FRMPD2: variants seen among roughly 807,000 people sequenced by gnomAD.
FRMPD2 encodes the protein FERM and PDZ domain-containing protein 2.
A neutral mutation model predicts 140.1 loss-of-function variants in FRMPD2; 96 were observed. The observed-to-expected ratio is 0.69, with a 90% CI of 0.58 to 0.81. The LOEUF is 0.81. Among genes scored for constraint, FRMPD2 ranks in the 40% least tolerant of loss-of-function variants. The pLI is 0.00. For missense variants in FRMPD2, 1,240 were observed against 1,447.4 expected (o/e 0.86, Z 2.32); for synonymous variants, 449 against 547.6 (o/e 0.82, Z 2.52).
At chr10:48,180,478 A>G (rs1419678386) in intron 21 of FRMPD2, among the ~76,000 whole-genome samples, 1 of 152,172 alleles carries the variant, frequency 6.6e-6, no homozygotes, top group Non-Finnish European at 1.5e-5. Flanking sequence ...ACGCCTTGCC[A>G]TTGGCAGCAA....
intron 13 of FRMPD2, among the ~76,000 whole-genome samples, chr10:48,207,425 AC>A (rs969628238): frequency 1.3e-5 from 2 of 152,108 alleles, no homozygotes; most frequent in African/African-American, 4.8e-5. Flanking sequence ...GTTGTGAACC[AC>A]CCTGCAGAGA....
chr10:48,271,959 T>A (rs1167963944), intron 1 of FRMPD2, among the ~76,000 whole-genome samples: 1 of 152,178 alleles, frequency 6.6e-6, no homozygotes, highest in Non-Finnish European at 1.5e-5. Context: ...TTATGAATCC[T>A]GAGTATATGG....
intron 10 of FRMPD2, among the ~76,000 whole-genome samples, chr10:48,227,657 C>A (rs1839754539): frequency 6.6e-6 from 1 of 152,072 alleles, no homozygotes; most frequent in Non-Finnish European, 1.5e-5. Flanking sequence ...AGTGGTTATA[C>A]CTTTGGATAT....
chr10:48,190,357 C>T (rs1373166287), intron 16 of FRMPD2, among the ~76,000 whole-genome samples: 3 of 152,186 alleles, frequency 2.0e-5, no homozygotes, highest in Non-Finnish European at 2.9e-5. Flanking sequence ...GGCCTCCCAT[C>T]CTTTGACCAA....
At chr10:48,171,521 C>T (rs1485646720) in intron 25 of FRMPD2, among the ~76,000 whole-genome samples, 4 of 152,406 alleles carry the variant, frequency 2.6e-5, no homozygotes, top group Non-Finnish European at 4.4e-5. Context: ...GTTAAATACG[C>T]TATAATCGTA....
At chr10:48,264,694 G>A (rs890710479) in intron 1 of FRMPD2, among the ~76,000 whole-genome samples, 9 of 152,050 alleles carry the variant, frequency 5.9e-5, no homozygotes, top group African/African-American at 2.2e-4. Context: ...TGTTCACTGA[G>A]AGAAGACTCA....
intron 28 of FRMPD2, among the ~76,000 whole-genome samples, chr10:48,160,314 A>T (rs1837901576): frequency 6.6e-6 from 1 of 151,772 alleles, no homozygotes; most frequent in African/African-American, 2.4e-5. Flanking sequence ...AATCTTGTCC[A>T]TGAACACTTT....
chr10:48,253,015 G>A (rs1840421608), intron 1 of FRMPD2, among the ~76,000 whole-genome samples: 1 of 152,010 alleles, frequency 6.6e-6, no homozygotes. Context: ...CACAGTGAAA[G>A]GTTGCTTATT....
chr10:48,244,841 G>C lies in FRMPD2; in HGVS notation c.318C>G (p.Val106=). 14 of 1,610,348 alleles carry C rather than the reference G, an allele frequency of 8.7e-6. No homozygotes were observed. Among genetic ancestry groups the C allele is most frequent in the Non-Finnish European group, 1.2e-5 (14 of 1,176,598 alleles). ...AGTAGAGGGTCATTCCTAAAGAATA[G>C]ACATGCATCTGCCCAAAAGAAGAGT... ...DEQPDASQMH[V]YSLGMTLYWS... The change falls in exon 4 of 29, where the codon GTC becomes GTG. Residue 106 remains valine (V), a synonymous_variant. Transcript: ENST00000374201.
At chr10:48,232,007 G>T in intron 10 of FRMPD2, 108 bp downstream of exon 10, 1 of 952,212 alleles carries the variant, frequency 1.1e-6, no homozygotes, top group Non-Finnish European at 1.7e-6. Flanking sequence ...ACAAAGGGAG[G>T]CACCCAAGTC....
intron 13 of FRMPD2, 99 bp downstream of exon 13, chr10:48,211,855 G>A (rs1839329576): frequency 1.7e-6 from 2 of 1,181,574 alleles, no homozygotes; most frequent in African/African-American, 1.5e-5. Flanking sequence ...CTCCTTGTGG[G>A]TCTGCACACA....
chr10:48,271,645 A>G (rs1241322105), intron 1 of FRMPD2, among the ~76,000 whole-genome samples: 1 of 152,266 alleles, frequency 6.6e-6, no homozygotes, highest in Non-Finnish European at 1.5e-5. Flanking sequence ...AGAAAAAAAA[A>G]GGGAGGGCAG....
chr10:48,187,385 A>T, intron 16 of FRMPD2, 93 bp from the exon 17 acceptor site: 1 of 984,118 alleles, frequency 1.0e-6, no homozygotes, highest in Non-Finnish European at 1.6e-6. Context: ...ACTTCTTGGC[A>T]TTTCTGAGTA....
At position 48,201,261 on chromosome 10, in the gene FRMPD2, T is replaced by C; in HGVS notation, c.1921A>G (p.Met641Val). The change falls in exon 15 of 29, where the codon ATG becomes GTG. Residue 641 changes from methionine to valine, a missense_variant. By Grantham distance (21) the Met-to-Val change is conservative. Coordinates refer to ENST00000374201, the MANE Select transcript of FRMPD2 (RefSeq NM_001018071.4). Reference protein sequence around the residue: ...CSAQHGFNAQMGSGQPSHVLF... With the variant: ...CSAQHGFNAQVGSGQPSHVLF... ...ACATGGGAAGGCTGCCCAGAGCCCA[T>C]CTGTGCATTAAACCCATGCTGGGCT... is the stretch of plus-strand genomic sequence containing the variant. The C allele has an allele frequency of 3.1e-6, 5 of 1,612,886 alleles. No individual in the cohort carries two copies. Among genetic ancestry groups the C allele is most frequent in the Middle Eastern group, 1.7e-4 (1 of 6,052 alleles).
At chr10:48,186,805 G>A (rs1166520494) in intron 17 of FRMPD2, among the ~76,000 whole-genome samples, 5 of 152,192 alleles carry the variant, frequency 3.3e-5, no homozygotes, top group African/African-American at 1.2e-4. Context: ...AACTGGCCAG[G>A]AGGATGCATG....
chr10:48,177,334 A>G (rs1377421013), intron 22 of FRMPD2: 1 of 150,314 alleles, frequency 6.7e-6, no homozygotes, highest in Non-Finnish European at 1.5e-5. Flanking sequence ...GATAGTCTCA[A>G]TCTCCTGACC....
chr10:48,258,087 C>A (rs1253958265), intron 1 of FRMPD2, among the ~76,000 whole-genome samples: 2 of 152,248 alleles, frequency 1.3e-5, no homozygotes, highest in Non-Finnish European at 2.9e-5. Flanking sequence ...TCAGAGCGAT[C>A]TTTTCCTCTC....
intron 3 of FRMPD2, among the ~76,000 whole-genome samples, chr10:48,245,414 CT>C (rs2131956160): frequency 6.6e-6 from 1 of 152,324 alleles, no homozygotes; most frequent in South Asian, 2.1e-4. Flanking sequence ...ACAGTTCAGC[CT>C]GATTACAAAG....
intron 5 of FRMPD2, among the ~76,000 whole-genome samples, chr10:48,241,694 C>T (rs896416559): frequency 3.9e-5 from 6 of 152,204 alleles, no homozygotes; most frequent in Non-Finnish European, 8.8e-5. Flanking sequence ...GGGCAGCAAG[C>T]AGCACAGTGT....
Sources: gnomAD v4.1 joint callset for allele counts (sites outside exome capture counted in the v4.1 genomes callset) on GRCh38, gnomAD v4.1.1 for gene constraint, MANE v1.5 for transcripts, NCBI Gene and HGNC (gene_info 2026-07-23, HGNC 2026-07-21) for gene names.